The following HSPA14 variants were observed in gnomAD, a reference collection of about 807,000 sequenced individuals.
HSPA14 encodes heat shock protein family A (Hsp70) member 14, also known as heat shock 70 kDa protein 14.
A neutral mutation model predicts 65.5 loss-of-function variants in HSPA14; 37 were observed. The observed-to-expected ratio is 0.56, with a 90% confidence interval of 0.43 to 0.74. HSPA14 has a LOEUF of 0.74. Among genes scored for constraint, HSPA14 ranks in the 30% least tolerant of loss-of-function variants. The pLI is 0.00. For missense variants in HSPA14, 564 were observed against 607.6 expected (o/e 0.93, Z 0.75); for synonymous variants, 203 against 214.2 (o/e 0.95, Z 0.46).
At chr10:14,863,729 C>G (rs1168332635) in intron 10 of HSPA14, among the ~76,000 whole-genome samples, 3 of 152,092 alleles carry the variant, frequency 2.0e-5, no homozygotes, top group Non-Finnish European at 4.4e-5. Flanking sequence ...TCACTCTTAC[C>G]CTCTTTAACA....
In HSPA14 at chr10:14,839,999, C is replaced by A. The variant is rs1173579561; in HGVS notation, c.138+14C>A. On this transcript the variant is annotated intron_variant, in intron 2 of 13. Coordinates refer to ENST00000378372, the MANE Select transcript of HSPA14 (RefSeq NM_016299.4). ...GAAAATGAAGAGGTACTAGTCCCCC[C>A]ATTTTTGTACTTCTGAAATAATTTA... 19 of 1,583,894 alleles carry A rather than the reference C, an allele frequency of 1.2e-5. No individual in the cohort carries two copies. Among genetic ancestry groups the A allele is most frequent in the Non-Finnish European group, 1.6e-5 (19 of 1,158,346 alleles).
rs1367853582 is a variant in HSPA14, at chr10:14,862,627, G to A, written c.994-4456G>A. ...CCTGACCTTGTAATCCGCCCACCTCGGCCTCCCAAAGTATTGGGATTGCAG... is the reference window on the plus strand; with the variant it reads ...CCTGACCTTGTAATCCGCCCACCTCAGCCTCCCAAAGTATTGGGATTGCAG... On this transcript the variant is annotated intron_variant, in intron 10 of 13. Transcript: ENST00000378372. 6.6e-5 allele frequency among the ~76,000 whole-genome samples: 10 copies of A among 150,654 alleles called. 1 individual carries two copies. The highest frequency in any genetic ancestry group is 4.2e-4 in the South Asian group (2 of 4,784).
intron 10 of HSPA14, among the ~76,000 whole-genome samples, chr10:14,864,006 G>A (rs548947426): frequency 6.1e-5 from 9 of 147,388 alleles, no homozygotes; most frequent in African/African-American, 9.9e-5. Context: ...TACAAGCCAC[G>A]AAAAGAGACC....
chr10:14,838,608 G>T, intron 1 of HSPA14, 149 bp downstream of exon 1: 1 of 725,050 alleles, frequency 1.4e-6, no homozygotes, highest in South Asian at 2.0e-5. Flanking sequence ...GCGAAGGGCC[G>T]GGCAGGCCCG....
chr10:14,860,930 C>T (rs1481863830), intron 10 of HSPA14, among the ~76,000 whole-genome samples: 1 of 152,138 alleles, frequency 6.6e-6, no homozygotes, highest in Non-Finnish European at 1.5e-5. Context: ...AGAAGGGCAT[C>T]TGGCACCGGA....
chr10:14,842,550 A>G lies in HSPA14; in HGVS notation c.221+2393A>G. 6.5e-7 allele frequency: 1 copy of G among 1,536,148 alleles called. No individual in the cohort carries two copies. The highest frequency in any genetic ancestry group is 1.4e-5 in the African/African-American group (1 of 73,166). On this transcript the variant is annotated intron_variant, in intron 3 of 13. Coordinates refer to ENST00000378372, the MANE Select transcript of HSPA14 (RefSeq NM_016299.4). This position sits in a 1 kb window ranked among gnomAD's most constrained non-coding sequence, Gnocchi z 5.2. Reference sequence around the variant, plus strand: ...GCCACAAGTATGGGTGAGCCACCACACTGTCCATTTTATGATACGTTGGAT... The same window carrying G: ...GCCACAAGTATGGGTGAGCCACCACGCTGTCCATTTTATGATACGTTGGAT...
At position 14,842,482 on chromosome 10, in the gene HSPA14, T is replaced by C. The variant is rs547202926; in HGVS notation, c.221+2325T>C. ...CCGAACGTCAGTGCCGCTCCAAGTT[T>C]AAAGTTCTGAAGGCATTATATTTAA... On this transcript the variant is annotated intron_variant, in intron 3 of 13. Coordinates refer to ENST00000378372, the MANE Select transcript of HSPA14 (RefSeq NM_016299.4). This position sits in a 1 kb window ranked among gnomAD's most constrained non-coding sequence, Gnocchi z 5.2. 1.5e-4 allele frequency: 230 copies of C among 1,536,170 alleles called. 1 individual carries two copies. The South Asian group carries it at 2.6e-3, about 17-fold the overall frequency.
rs1367436124 is a variant in HSPA14 at position 14,842,454 on chromosome 10, G to T, written c.221+2297G>T. 1 of 1,536,130 alleles carries T rather than the reference G, an allele frequency of 6.5e-7. No individual in the cohort carries two copies. The highest frequency in any genetic ancestry group is 1.2e-5 in the South Asian group (1 of 84,064). ...CGAATGCAGCAGGAGGGCTTCCGCC[G>T]CACCGAACGTCAGTGCCGCTCCAAG... On this transcript the variant is annotated intron_variant, in intron 3 of 13. Coordinates refer to ENST00000378372, the MANE Select transcript of HSPA14 (RefSeq NM_016299.4). This position sits in a 1 kb window ranked among gnomAD's most constrained non-coding sequence, Gnocchi z 5.2.
intron 7 of HSPA14, 149 bp from the exon 8 acceptor site, chr10:14,852,221 C>T: frequency 3.1e-6 from 2 of 650,816 alleles, no homozygotes; most frequent in Non-Finnish European, 5.2e-6. Flanking sequence ...CTTGATTTGT[C>T]AATAAGTGAC....
chr10:14,868,622 G>T, intron 12 of HSPA14, among the ~76,000 whole-genome samples: 1 of 151,930 alleles, frequency 6.6e-6, no homozygotes, highest in East Asian at 1.9e-4. Context: ...TTTGAGTAGG[G>T]GTGCATTTTC....
Position 14,849,805 on chromosome 10 carries a change from C to T in HSPA14, c.461C>T (p.Ala154Val). 1.2e-6 allele frequency: 2 copies of T among 1,605,164 alleles called. No homozygotes were observed. Among genetic ancestry groups the T allele is most frequent in the Non-Finnish European group, 1.7e-6 (2 of 1,172,416 alleles). ...PFDFGEKQKN[A>V]LGEAARAAGF... ...GATTTTGGAGAAAAGCAAAAAAATG[C>T]TCTTGGGTAAGTATATGGGGTTTAT... Residue 154 changes from alanine to valine, a missense_variant, in exon 6 of 14, where the codon GCT becomes GTT. Coordinates refer to ENST00000378372, the MANE Select transcript of HSPA14 (RefSeq NM_016299.4).
chr10:14,866,034 C>T (rs1476547524), intron 10 of HSPA14, among the ~76,000 whole-genome samples: 1 of 152,022 alleles, frequency 6.6e-6, no homozygotes, highest in Non-Finnish European at 1.5e-5. Context: ...CCTTCACATC[C>T]CTTGTAAGTT....
chr10:14,855,713 T>G (rs1486378274), intron 9 of HSPA14, 128 bp from the exon 10 acceptor site: 3 of 574,286 alleles, frequency 5.2e-6, no homozygotes, highest in Non-Finnish European at 9.2e-6. Context: ...AGAACTATCA[T>G]ATTAAGTTTT....
intron 10 of HSPA14, among the ~76,000 whole-genome samples, chr10:14,865,676 G>T (rs1180118216): frequency 1.3e-5 from 2 of 152,102 alleles, no homozygotes; most frequent in Non-Finnish European, 2.9e-5. Context: ...CTGTTCCATT[G>T]GTCTGTATAT....
chr10:14,861,308 C>G (rs115263898), intron 10 of HSPA14, among the ~76,000 whole-genome samples: 339 of 152,204 alleles, frequency 2.2e-3, no homozygotes, highest in African/African-American at 7.8e-3. Context: ...GTTTGAGACT[C>G]TGTCCAAAAA....
intron 6 of HSPA14, among the ~76,000 whole-genome samples, chr10:14,850,039 G>A (rs377133469): frequency 2.0e-5 from 3 of 152,114 alleles, no homozygotes; most frequent in Non-Finnish European, 2.9e-5. Context: ...CTGACGGGGG[G>A]GCGGCGGGTG....
At chr10:14,865,749 A>G (rs1053331187) in intron 10 of HSPA14, among the ~76,000 whole-genome samples, 1 of 152,010 alleles carries the variant, frequency 6.6e-6, no homozygotes, top group Non-Finnish European at 1.5e-5. Context: ...GTTTGAAGTC[A>G]GGTACTCCAG....
chr10:14,864,800 TTTA>T (rs1302183161), intron 10 of HSPA14, among the ~76,000 whole-genome samples: 1 of 152,234 alleles, frequency 6.6e-6, no homozygotes, highest in Non-Finnish European at 1.5e-5. Context: ...TGCATGTGTC[TTTA>T]TGGCAGCATG....
At chr10:14,844,098 A>T (rs1220383144) in intron 3 of HSPA14, 2 of 1,398,346 alleles carry the variant, frequency 1.4e-6, no homozygotes, top group Non-Finnish European at 1.9e-6. Context: ...GCCAGGGGTG[A>T]CCTAATAGAA....
Sources: gnomAD v4.1 joint callset for allele counts (sites outside exome capture counted in the v4.1 genomes callset) on GRCh38, gnomAD v4.1.1 for gene constraint, Gnocchi (gnomAD v3.1) non-coding constraint, MANE v1.5 for transcripts, NCBI Gene and HGNC (gene_info 2026-07-23, HGNC 2026-07-21) for gene names.